ATP10A: variants seen among roughly 807,000 people sequenced by gnomAD.
ATP10A encodes phospholipid-transporting ATPase VA.
A neutral mutation model predicts 147.8 loss-of-function variants in ATP10A; 111 were observed. The observed-to-expected ratio is 0.75, with a 90% confidence interval of 0.64 to 0.88. The LOEUF (loss-of-function observed/expected upper bound fraction) is 0.88. Ranked by LOEUF, ATP10A falls within the 40% of genes least tolerant of loss-of-function variation. The pLI is 0.00. For missense variants in ATP10A, 1,927 were observed against 1,959.0 expected (o/e 0.98, Z 0.31); for synonymous variants, 875 against 841.6 (o/e 1.04, Z -0.69).
At chr15:25,811,369 A>G (rs1276153023) in intron 1 of ATP10A, among the ~76,000 whole-genome samples, 1 of 152,210 alleles carries the variant, frequency 6.6e-6, no homozygotes, top group African/African-American at 2.4e-5. Context: ...ATCCCCAAAG[A>G]CATAAGGCAG....
chr15:25,782,358 T>A (rs1041584527), intron 1 of ATP10A, among the ~76,000 whole-genome samples: 1 of 152,194 alleles, frequency 6.6e-6, no homozygotes, highest in African/African-American at 2.4e-5. Context: ...TACCACACCG[T>A]AAGTATCACT....
At chr15:25,853,113 G>GA (rs1416571210) in intron 1 of ATP10A, among the ~76,000 whole-genome samples, 1 of 152,170 alleles carries the variant, frequency 6.6e-6, no homozygotes, top group Admixed American at 6.5e-5. Flanking sequence ...ATCCCCAGTG[G>GA]AAAAATAACC....
chr15:25,747,777 T>A (rs932213128), intron 2 of ATP10A, among the ~76,000 whole-genome samples: 1 of 152,210 alleles, frequency 6.6e-6, no homozygotes, highest in East Asian at 1.9e-4. Flanking sequence ...CAGATTCAGA[T>A]GGCTTCACCA....
intron 1 of ATP10A, among the ~76,000 whole-genome samples, chr15:25,855,541 A>AAC (rs59597825): frequency 0.012 from 1,802 of 145,998 alleles, 14 homozygotes; most frequent in South Asian, 0.05. Context: ...TATTGGTTAA[A>AAC]ACACACACAC....
intron 1 of ATP10A, among the ~76,000 whole-genome samples, chr15:25,855,541 A>AACACACACAC (rs59597825): frequency 0.038 from 5,524 of 146,020 alleles, 151 homozygotes; most frequent in African/African-American, 0.066. Context: ...TATTGGTTAA[A>AACACACACAC]ACACACACAC....
At chr15:25,767,561 A>G (rs544951446) in intron 2 of ATP10A, among the ~76,000 whole-genome samples, 2 of 152,300 alleles carry the variant, frequency 1.3e-5, no homozygotes, top group South Asian at 4.1e-4. Flanking sequence ...TAGGGAAGCA[A>G]CTGTACTTAT....
At chr15:25,780,873 C>T in intron 2 of ATP10A, 146 bp downstream of exon 2, 1 of 816,228 alleles carries the variant, frequency 1.2e-6, no homozygotes, top group South Asian at 1.8e-5. Flanking sequence ...GTCAGGGGTC[C>T]TCTCAGACCC....
In ATP10A at chr15:25,718,200, C is replaced by G; in HGVS notation, c.1563G>C (p.Thr521=). ...AKRASMLSKH[T]AFSSPMEKDI... ...CACTCACCATGGGGCTGCTGAAGGC[C>G]GTGTGCTTGGACAGCATGCTGGCCC... Residue 521 remains threonine (T), a synonymous_variant, in exon 8 of 21, where the codon ACG becomes ACC. Coordinates refer to ENST00000555815, the MANE Select transcript of ATP10A (RefSeq NM_024490.4). 1 of 1,613,004 alleles carries G rather than the reference C, an allele frequency of 6.2e-7. No individual in the cohort carries two copies. The highest frequency in any genetic ancestry group is 8.5e-7 in the Non-Finnish European group (1 of 1,179,946).
chr15:25,856,130 G>A (rs1893505713), intron 1 of ATP10A, among the ~76,000 whole-genome samples: 1 of 152,192 alleles, frequency 6.6e-6, no homozygotes. Context: ...TTACTGATAT[G>A]GGTTGGCTCT....
chr15:25,801,415 G>A (rs1890933072), intron 1 of ATP10A, among the ~76,000 whole-genome samples: 1 of 152,194 alleles, frequency 6.6e-6, no homozygotes, highest in Non-Finnish European at 1.5e-5. Flanking sequence ...CTGCAATGTG[G>A]GGATAACACT....
At chr15:25,822,953 A>G (rs1332270826) in intron 1 of ATP10A, among the ~76,000 whole-genome samples, 2 of 152,196 alleles carry the variant, frequency 1.3e-5, no homozygotes, top group African/African-American at 4.8e-5. Context: ...CTAAATTGTG[A>G]GTCATTTAAT....
chr15:25,861,312 G>A (rs1481858754), intron 1 of ATP10A, among the ~76,000 whole-genome samples: 1 of 152,200 alleles, frequency 6.6e-6, no homozygotes, highest in African/African-American at 2.4e-5. Flanking sequence ...AGAAGCACGA[G>A]CAAAGAAATA....
At chr15:25,719,159 A>C (rs1372799135) in intron 7 of ATP10A, among the ~76,000 whole-genome samples, 1 of 152,182 alleles carries the variant, frequency 6.6e-6, no homozygotes, top group East Asian at 1.9e-4. Context: ...ATTACTTATC[A>C]GAACAACCGT....
In ATP10A at chr15:25,783,540, G is replaced by C. The variant is rs529415030; in HGVS notation, c.450-2317C>G. 4.6e-5 allele frequency among the ~76,000 whole-genome samples: 7 copies of C among 152,306 alleles called. No homozygotes were observed. The South Asian group carries it at 1.4e-3, about 32-fold the overall frequency. The stretch of plus-strand genomic sequence containing the variant: ...CATCGGCTGCCCTAGATGCTGAAGA[G>C]AGGAGTGTCCCCTGCCATTTTAAGC... On this transcript the variant is annotated intron_variant, in intron 1 of 20. Transcript: ENST00000555815.
intron 1 of ATP10A, among the ~76,000 whole-genome samples, chr15:25,817,730 A>T (rs1313994774): frequency 6.6e-6 from 1 of 152,224 alleles, no homozygotes; most frequent in Non-Finnish European, 1.5e-5. Context: ...AGTTCAGCTC[A>T]ATACATGGAT....
intron 10 of ATP10A, chr15:25,708,557 A>G (rs975920145): frequency 6.9e-6 from 3 of 435,490 alleles, no homozygotes; most frequent in African/African-American, 4.0e-5. Context: ...CTGGACTCAA[A>G]TCATCCACCC....
chr15:25,785,678 A>G (rs1470472110), intron 1 of ATP10A, among the ~76,000 whole-genome samples: 6 of 152,194 alleles, frequency 3.9e-5, no homozygotes, highest in Non-Finnish European at 7.3e-5. Context: ...GCCCACTGGC[A>G]CAACACTCTT....
intron 1 of ATP10A, among the ~76,000 whole-genome samples, chr15:25,833,746 T>G (rs994613712): frequency 6.6e-6 from 1 of 152,208 alleles, no homozygotes; most frequent in Non-Finnish European, 1.5e-5. Context: ...TTTGGGAGGC[T>G]GAGGCGGACA....
intron 7 of ATP10A, 71 bp downstream of exon 7, chr15:25,721,580 GTGTGTC>G (rs1902231007): frequency 6.2e-6 from 8 of 1,294,414 alleles, no homozygotes; most frequent in African/African-American, 6.1e-5. Flanking sequence ...GTGTGTGTGT[GTGTGTC>G]TCCAAACAAT....
Sources: gnomAD v4.1 joint callset for allele counts (sites outside exome capture counted in the v4.1 genomes callset) on GRCh38, gnomAD v4.1.1 for gene constraint, MANE v1.5 for transcripts, NCBI Gene and HGNC (gene_info 2026-07-23, HGNC 2026-07-21) for gene names.